The following CDC42BPA variants were observed in gnomAD, a reference collection of about 807,000 sequenced individuals.
CDC42BPA encodes the protein CDC42 binding protein kinase alpha, also known as serine/threonine-protein kinase MRCK alpha.
In CDC42BPA, 80 loss-of-function variants were observed where a neutral mutation model predicts 223.5. The observed-to-expected ratio is 0.36, with a 90% CI of 0.30 to 0.43. The LOEUF is 0.43. Ranked by LOEUF, CDC42BPA falls within the 20% of genes least tolerant of loss-of-function variation. The probability of loss-of-function intolerance (pLI) is 1.00; values close to 1 mark genes in which losing one functional copy is unlikely to be tolerated. For synonymous variants in CDC42BPA, 694 were observed against 718.6 expected (o/e 0.97, Z 0.55); for missense variants, 1,743 against 2,099.9 (o/e 0.83, Z 3.32).
At chr1:227,151,392 C>T (rs1316114874) in intron 6 of CDC42BPA, among the ~76,000 whole-genome samples, 2 of 152,106 alleles carry the variant, frequency 1.3e-5, no homozygotes, top group Non-Finnish European at 2.9e-5. Flanking sequence ...TTTGTTTATC[C>T]ATTCATCTGT....
intron 17 of CDC42BPA, among the ~76,000 whole-genome samples, chr1:227,076,642 G>C (rs1679543989): frequency 6.6e-6 from 1 of 152,134 alleles, no homozygotes; most frequent in Middle Eastern, 3.2e-3. Flanking sequence ...ACCAGTTTTA[G>C]AGGTAGGTGT....
intron 2 of CDC42BPA, among the ~76,000 whole-genome samples, chr1:227,238,499 G>C (rs1447670733): frequency 1.3e-5 from 2 of 152,090 alleles, no homozygotes; most frequent in East Asian, 3.8e-4. Flanking sequence ...TCTATGGCTA[G>C]TTTTCACACC....
chr1:227,003,011 A>T (rs1335923476), intron 35 of CDC42BPA, among the ~76,000 whole-genome samples: 1 of 152,230 alleles, frequency 6.6e-6, no homozygotes, highest in South Asian at 2.1e-4. Flanking sequence ...AATTTGTGGG[A>T]TAATTTCTTA....
In CDC42BPA at chr1:226,994,829, G is replaced by A. The variant is rs766359544; in HGVS notation, c.5127C>T (p.Asp1709=). The change falls in exon 36 of 37, where the codon GAC becomes GAT. Residue 1709 remains aspartate, a synonymous_variant. Coordinates refer to ENST00000366766, the MANE Select transcript of CDC42BPA (RefSeq NM_001394014.1). This position sits in a 1 kb window ranked among gnomAD's most constrained non-coding sequence, Gnocchi z 4.0. Reference sequence around the variant, plus strand: ...CGGAACCCTGCCCACTCACCTCTCCGTCAAAGTCCCTCGCTGGGGCATCAC... The same window carrying A: ...CGGAACCCTGCCCACTCACCTCTCCATCAAAGTCCCTCGCTGGGGCATCAC... ...QGSDAPARDF[D]GEDSDSPRHS... 42 of 1,610,474 alleles carry A rather than the reference G, an allele frequency of 2.6e-5. No individual in the cohort carries two copies. Among genetic ancestry groups the A allele is most frequent in the Middle Eastern group, 1.7e-4 (1 of 6,058 alleles).
chr1:227,125,602 TAAA>T lies in CDC42BPA; in HGVS notation c.1513+3504_1513+3506del, dbSNP rs78634914. On this transcript the variant is annotated intron_variant, in intron 11 of 36. Coordinates refer to ENST00000366766, the MANE Select transcript of CDC42BPA (RefSeq NM_001394014.1). Reference sequence around the variant, plus strand: ...ACAGAGTGAGACTCTGTCTACAAATTAAAAAAAAAAAAAAAAAAAAGAGTGATG... The same window carrying T: ...ACAGAGTGAGACTCTGTCTACAAATTAAAAAAAAAAAAAAAAAGAGTGATG... Among the ~76,000 whole-genome samples, 118 of 117,578 alleles carry T rather than the reference TAAA, an allele frequency of 1.0e-3. 1 individual carries two copies. The highest frequency in any genetic ancestry group is 1.4e-3 in the Non-Finnish European group (83 of 57,802). The allele number at this position is 117,578 out of a possible 152,430, so 77.1% of individuals were successfully genotyped here.
At chr1:227,209,625 T>C (rs1001482721) in intron 3 of CDC42BPA, among the ~76,000 whole-genome samples, 1 of 148,860 alleles carries the variant, frequency 6.7e-6, no homozygotes, top group Non-Finnish European at 1.5e-5. Context: ...CATGTGGTTT[T>C]TGTCTTTGGC....
intron 6 of CDC42BPA, among the ~76,000 whole-genome samples, chr1:227,158,726 C>G (rs982008390): frequency 6.6e-6 from 1 of 152,102 alleles, no homozygotes; most frequent in African/African-American, 2.4e-5. Context: ...TGTTTCCTGC[C>G]TGGGAGATCT....
At chr1:227,092,278 C>A (rs1683215270) in intron 15 of CDC42BPA, among the ~76,000 whole-genome samples, 1 of 152,132 alleles carries the variant, frequency 6.6e-6, no homozygotes, top group African/African-American at 2.4e-5. Flanking sequence ...ACTGCTCTCA[C>A]AGAGCTTATA....
Position 226,994,945 on chromosome 1 carries a change from C to T in CDC42BPA, c.5011G>A (p.Glu1671Lys), listed in dbSNP as rs763877436. Reference protein sequence around the residue: ...SAQNGSALKREFSGGSYSAKR... With the variant: ...SAQNGSALKRKFSGGSYSAKR... ...GCACTGTAGCTTCCTCCAGAGAATT[C>T]CCTCTTTAATGCGCTGCCATTCTGT... Residue 1671 changes from glutamate to lysine, a missense_variant, in exon 36 of 37, where the codon GAA becomes AAA. Physicochemically the swap from Glu to Lys is moderately conservative, Grantham distance 56. Transcript: ENST00000366766. The surrounding 1 kb of genome is among the most constrained non-coding windows in gnomAD (Gnocchi z 4.0). The T allele has an allele frequency of 1.2e-6, 2 of 1,614,120 alleles. No individual in the cohort carries two copies. The highest frequency in any genetic ancestry group is 2.2e-5 in the East Asian group (1 of 44,884).
Position 227,080,877 on chromosome 1 carries a change from T to C in CDC42BPA, c.2480+16A>G. 1 of 1,613,006 alleles carries C rather than the reference T, an allele frequency of 6.2e-7. No homozygotes were observed. Among genetic ancestry groups the C allele is most frequent in the Non-Finnish European group, 8.5e-7 (1 of 1,179,740 alleles). The stretch of plus-strand genomic sequence containing the variant: ...CTCACAATCATCCACAAAAAAACGT[T>C]TAAAAGAGCACTCACCACTGAATTA... On this transcript the variant is annotated intron_variant, in intron 17 of 36. Coordinates refer to ENST00000366766, the MANE Select transcript of CDC42BPA (RefSeq NM_001394014.1).
At chr1:227,274,442 G>C (rs554875783) in intron 1 of CDC42BPA, among the ~76,000 whole-genome samples, 2 of 152,194 alleles carry the variant, frequency 1.3e-5, no homozygotes, top group Non-Finnish European at 2.9e-5. Flanking sequence ...GAAGAGAAAT[G>C]AAGTGTTATG....
intron 3 of CDC42BPA, among the ~76,000 whole-genome samples, chr1:227,210,169 C>T (rs1028211304): frequency 1.8e-4 from 27 of 152,130 alleles, no homozygotes; most frequent in African/African-American, 6.3e-4. Context: ...GTGAATAGTG[C>T]CGCAATAAAC....
At chr1:227,025,951 C>T (rs1464021442) in intron 31 of CDC42BPA, 104 bp downstream of exon 31, 1 of 641,670 alleles carries the variant, frequency 1.6e-6, no homozygotes, top group Admixed American at 3.4e-5. Context: ...GCCAATTACA[C>T]ATTCCAGAAA....
rs747383744 is a variant in CDC42BPA at position 227,147,542 on chromosome 1, A to C, written c.711T>G (p.Ala237=). The C allele has an allele frequency of 1.2e-6, 2 of 1,606,414 alleles. No individual in the cohort carries two copies. The highest frequency in any genetic ancestry group is 1.7e-6 in the Non-Finnish European group (2 of 1,176,104). Residue 237 remains alanine (A), a synonymous_variant, in exon 7 of 37, where the codon GCT becomes GCG. Coordinates refer to ENST00000366766, the MANE Select transcript of CDC42BPA (RefSeq NM_001394014.1). Reference sequence around the variant, plus strand: ...GAGAGATATAATCTGGAGTTCCTACAGCCACTGAGGACTGAACCTGAAGAA... The same window carrying C: ...GAGAGATATAATCTGGAGTTCCTACCGCCACTGAGGACTGAACCTGAAGAA... ...MEDGTVQSSV[A]VGTPDYISPE... is the part of the protein sequence containing the mutation.
intron 25 of CDC42BPA, 98 bp from the exon 26 acceptor site, chr1:227,034,892 T>A: frequency 9.3e-7 from 1 of 1,080,826 alleles, no homozygotes; most frequent in Non-Finnish European, 1.3e-6. Context: ...CTACAGATAA[T>A]GTACACGTTT....
Position 226,990,899 on chromosome 1 carries a change from T to C in CDC42BPA, c.*3369A>G, listed in dbSNP as rs1194930107. ...CTCCCCTGAAATGTGAGTACAATAA[T>C]TGGCTGGAAAACCAAATAGATGGGC... On this transcript the variant is annotated 3_prime_UTR_variant, in exon 37 of 37. Transcript: ENST00000366766. The C allele has an allele frequency of 6.6e-6, 1 of 152,602 alleles. No homozygotes were observed. The highest frequency in any genetic ancestry group is 1.5e-5 in the Non-Finnish European group (1 of 68,042). The allele number at this position is 152,602 out of a possible 1,614,324, so 9.5% of individuals were successfully genotyped here. A position where few individuals can be genotyped will look rare whatever the true frequency, so the allele number is the denominator to read the frequency against.
In CDC42BPA at chr1:227,112,351, G is replaced by A. The variant is rs745879447; in HGVS notation, c.1962C>T (p.His654=). 2.5e-5 allele frequency: 40 copies of A among 1,606,688 alleles called. No individual in the cohort carries two copies. Among genetic ancestry groups the A allele is most frequent in the Non-Finnish European group, 3.4e-5 (40 of 1,176,608 alleles). ...KDRKLREQSE[H]YSKQLENELE... is the part of the protein sequence containing the mutation. Reference sequence around the variant, plus strand: ...ATTCATTTTCCAGTTGCTTAGAATAGTGCTCACTCTGTTCACGTAGCTTCC... The same window carrying A: ...ATTCATTTTCCAGTTGCTTAGAATAATGCTCACTCTGTTCACGTAGCTTCC... The change falls in exon 14 of 37, where the codon CAC becomes CAT. Residue 654 remains histidine (H), a synonymous_variant. Transcript: ENST00000366766.
chr1:227,289,564 G>A (rs978197154), intron 1 of CDC42BPA, among the ~76,000 whole-genome samples: 6 of 151,890 alleles, frequency 4.0e-5, no homozygotes, highest in African/African-American at 1.5e-4. Context: ...TCTATTTCCT[G>A]ACCTCCCCCC....
intron 10 of CDC42BPA, among the ~76,000 whole-genome samples, chr1:227,135,130 T>A (rs1658223628): frequency 6.6e-6 from 1 of 152,184 alleles, no homozygotes; most frequent in African/African-American, 2.4e-5. Flanking sequence ...AGCCTGGCCT[T>A]TAAATTGAGA....
Sources: gnomAD v4.1 joint callset for allele counts (sites outside exome capture counted in the v4.1 genomes callset) on GRCh38, gnomAD v4.1.1 for gene constraint, Gnocchi (gnomAD v3.1) non-coding constraint, MANE v1.5 for transcripts, NCBI Gene and HGNC (gene_info 2026-07-23, HGNC 2026-07-21) for gene names.